CMIP: variants seen among roughly 807,000 people sequenced by gnomAD.
CMIP encodes the protein c-Maf inducing protein, also known as C-Maf-inducing protein.
In CMIP, 13 loss-of-function variants were observed where a neutral mutation model predicts 97.3. The observed-to-expected ratio is 0.13, with a 90% CI of 0.09 to 0.21. The LOEUF (loss-of-function observed/expected upper bound fraction) is 0.21. Among genes scored for constraint, CMIP ranks in the 10% least tolerant of loss-of-function variants. The pLI is 1.00. For missense variants in CMIP, 847 were observed against 1,024.9 expected, an observed-to-expected ratio of 0.83 and a Z score of 2.37; for synonymous variants, 538 against 436.3, an observed-to-expected ratio of 1.23 and a Z score of -2.91.
At chr16:81,541,890 T>C (rs905910596) in intron 1 of CMIP, among the ~76,000 whole-genome samples, 1 of 152,210 alleles carries the variant, frequency 6.6e-6, no homozygotes, top group Non-Finnish European at 1.5e-5. Flanking sequence ...GGAGAACATA[T>C]ACACCTTTAC....
chr16:81,493,447 G>A (rs1251798973), intron 1 of CMIP, among the ~76,000 whole-genome samples: 2 of 152,186 alleles, frequency 1.3e-5, no homozygotes, highest in Non-Finnish European at 2.9e-5. Flanking sequence ...GTCTTTGTGA[G>A]GATTAAACGA....
Position 81,707,109 on chromosome 16 carries a change from C to G in CMIP, c.2268+25C>G, listed in dbSNP as rs904285597. 2.5e-6 allele frequency: 4 copies of G among 1,592,026 alleles called. No individual in the cohort carries two copies. In the Admixed American group the frequency reaches 6.7e-5, roughly 27 times the overall value. The stretch of plus-strand genomic sequence containing the variant: ...GGTAATTCCCTCCTTCCTCCCCACT[C>G]TCCTCCCCTCCTTCTTCTAGCCAGC... On this transcript the variant is annotated intron_variant, in intron 20 of 20. Transcript: ENST00000537098.
chr16:81,701,807 C>G lies in CMIP; in HGVS notation c.1896+7C>G. On this transcript the variant is annotated splice_region_variant and intron_variant, in intron 16 of 20. Coordinates refer to ENST00000537098, the MANE Select transcript of CMIP (RefSeq NM_198390.3). ...GCGGGAGCTGAAGGAGCTGGTGAGTCCCCGGCTGCTCCGGACCACTCCCCT... is the reference window on the plus strand; with the variant it reads ...GCGGGAGCTGAAGGAGCTGGTGAGTGCCCGGCTGCTCCGGACCACTCCCCT... The G allele has an allele frequency of 6.2e-7, 1 of 1,613,040 alleles. No individual in the cohort carries two copies. Among genetic ancestry groups the G allele is most frequent in the Non-Finnish European group, 8.5e-7 (1 of 1,179,780 alleles).
intron 1 of CMIP, chr16:81,495,614 G>A (rs1317759182): frequency 1.3e-5 from 14 of 1,037,154 alleles, no homozygotes; most frequent in South Asian, 3.0e-5. Flanking sequence ...GGGTGGGCAG[G>A]TGTGTCTGCT....
intron 1 of CMIP, among the ~76,000 whole-genome samples, chr16:81,479,111 A>AG (rs1201708391): frequency 6.6e-6 from 1 of 151,642 alleles, no homozygotes; most frequent in African/African-American, 2.4e-5. Context: ...TCCTGGGGGG[A>AG]GGGGGAAGGA....
Position 81,450,314 on chromosome 16 carries a change from G to A in CMIP, c.300+4773G>A, listed in dbSNP as rs186332934. On this transcript the variant is annotated intron_variant, in intron 1 of 20. Coordinates refer to ENST00000537098, the MANE Select transcript of CMIP (RefSeq NM_198390.3). ...GCCTGATATGGGGCATCTCCTCTGT[G>A]GGGGAGAACAGATTTGGGTTTTGCG... 2.7e-3 allele frequency among the ~76,000 whole-genome samples: 405 copies of A among 152,314 alleles called. 1 individual carries two copies. Among genetic ancestry groups the A allele is most frequent in the African/African-American group, 9.1e-3 (380 of 41,574 alleles).
At chr16:81,656,793 T>G (rs1366722604) in intron 4 of CMIP, among the ~76,000 whole-genome samples, 1 of 152,162 alleles carries the variant, frequency 6.6e-6, no homozygotes, top group African/African-American at 2.4e-5. Context: ...AGATAATTTT[T>G]GTATTTTTTG....
chr16:81,598,362 GT>G (rs1015580310), intron 1 of CMIP, among the ~76,000 whole-genome samples: 2 of 152,180 alleles, frequency 1.3e-5, no homozygotes, highest in Non-Finnish European at 2.9e-5. Flanking sequence ...TAAACAAAAT[GT>G]GTAATTTGGT....
At chr16:81,678,910 T>C (rs1184493833) in intron 10 of CMIP, among the ~76,000 whole-genome samples, 1 of 152,216 alleles carries the variant, frequency 6.6e-6, no homozygotes. Flanking sequence ...ACACGTGGGG[T>C]GCATGCATGG....
At chr16:81,649,748 T>G (rs1408260007) in intron 3 of CMIP, among the ~76,000 whole-genome samples, 1 of 152,224 alleles carries the variant, frequency 6.6e-6, no homozygotes, top group Non-Finnish European at 1.5e-5. Flanking sequence ...CCAGACTCCA[T>G]GCAAATGTAA....
At chr16:81,703,670 G>T (rs1437503804) in intron 17 of CMIP, among the ~76,000 whole-genome samples, 1 of 151,976 alleles carries the variant, frequency 6.6e-6, no homozygotes, top group Non-Finnish European at 1.5e-5. Context: ...CACCCCGCTG[G>T]TGCCTCAGGG....
intron 1 of CMIP, among the ~76,000 whole-genome samples, chr16:81,486,574 G>A (rs952598483): frequency 6.6e-6 from 1 of 152,196 alleles, no homozygotes; most frequent in Admixed American, 6.5e-5. Context: ...GCAGACCGCC[G>A]AGTCCCTCCA....
In CMIP at chr16:81,646,128, G is replaced by A. The variant is rs369603489; in HGVS notation, c.478-6075G>A. The stretch of plus-strand genomic sequence containing the variant: ...GATGAGGTGGGTGAAGGATGGATGG[G>A]TGGGTGGGTGGATAGTTGGGTGGGT... On this transcript the variant is annotated intron_variant, in intron 3 of 20. Coordinates refer to ENST00000537098, the MANE Select transcript of CMIP (RefSeq NM_198390.3). Among the ~76,000 whole-genome samples, 20 of 151,422 alleles carry A rather than the reference G, an allele frequency of 1.3e-4. No individual in the cohort carries two copies. The East Asian group carries it at 3.9e-3, about 29-fold the overall frequency.
intron 1 of CMIP, among the ~76,000 whole-genome samples, chr16:81,572,663 A>T (rs181087799): frequency 1.1e-4 from 16 of 152,240 alleles, no homozygotes; most frequent in African/African-American, 3.9e-4. Flanking sequence ...GGGGTCTCAA[A>T]TCCCGTTGAG....
chr16:81,613,431 A>T (rs1317750732), intron 2 of CMIP, among the ~76,000 whole-genome samples: 3 of 152,102 alleles, frequency 2.0e-5, no homozygotes, highest in Non-Finnish European at 2.9e-5. Context: ...CTAGCTCTGG[A>T]TCCTTAGACT....
At chr16:81,586,130 G>A (rs1022553802) in intron 1 of CMIP, among the ~76,000 whole-genome samples, 5 of 151,426 alleles carry the variant, frequency 3.3e-5, no homozygotes, top group Admixed American at 1.3e-4. Flanking sequence ...TTGGGGTGGG[G>A]GTGGGTCTAA....
intron 3 of CMIP, among the ~76,000 whole-genome samples, chr16:81,639,577 A>G (rs947210475): frequency 3.3e-5 from 5 of 151,938 alleles, no homozygotes; most frequent in African/African-American, 9.7e-5. Context: ...CTGCGTCAGG[A>G]TTTCCTTCCT....
rs376897846 is a variant in CMIP, at chr16:81,704,092, C to G, written c.2091+7C>G. On this transcript the variant is annotated splice_region_variant and intron_variant, in intron 18 of 20. Transcript: ENST00000537098. ...GAACCTGTGGTCCACTCAGGTACGT[C>G]CTCCCGCCCTGCTGCAGTCCCCCAC... 4 of 1,600,730 alleles carry G rather than the reference C, an allele frequency of 2.5e-6. No individual in the cohort carries two copies. The South Asian group carries it at 4.5e-5, about 18-fold the overall frequency.
At chr16:81,617,913 G>T (rs1188894094) in intron 2 of CMIP, among the ~76,000 whole-genome samples, 1 of 152,166 alleles carries the variant, frequency 6.6e-6, no homozygotes, top group Non-Finnish European at 1.5e-5. Context: ...ACTTTGGCGG[G>T]GCCAGTGGAC....
Sources: gnomAD v4.1 joint callset for allele counts (sites outside exome capture counted in the v4.1 genomes callset) on GRCh38, gnomAD v4.1.1 for gene constraint, MANE v1.5 for transcripts, NCBI Gene and HGNC (gene_info 2026-07-23, HGNC 2026-07-21) for gene names.